Variants in ADGRL3 observed in about 807,000 individuals in gnomAD.
The protein encoded by ADGRL3 is calcium-independent alpha-latrotoxin receptor 3.
Under a neutral mutation model 153.5 loss-of-function variants are expected in ADGRL3, and 62 were observed. The observed-to-expected ratio is 0.40, with a 90% CI of 0.33 to 0.50. ADGRL3 has a LOEUF of 0.50. ADGRL3 is among the 20% of genes least tolerant of loss of function. ADGRL3 has a pLI of 0.47. For synonymous variants in ADGRL3, 710 were observed against 672.5 expected (o/e 1.06, Z -0.86); for missense variants, 1,641 against 1,859.4 (o/e 0.88, Z 2.16).
chr4:61,312,364 A>AC (rs2150553046), intron 1 of ADGRL3, among the ~76,000 whole-genome samples: 1 of 152,308 alleles, frequency 6.6e-6, no homozygotes, highest in Non-Finnish European at 1.5e-5. Flanking sequence ...CTTGAGTTTG[A>AC]CAAAGACTTT....
intron 24 of ADGRL3, among the ~76,000 whole-genome samples, chr4:62,040,430 T>A (rs1002005503): frequency 1.3e-5 from 2 of 152,086 alleles, no homozygotes; most frequent in African/African-American, 4.8e-5. Context: ...GTTACTTAAA[T>A]CTATATTATT....
intron 5 of ADGRL3, among the ~76,000 whole-genome samples, chr4:61,672,997 G>A (rs775290963): frequency 6.6e-6 from 1 of 151,932 alleles, no homozygotes; most frequent in Non-Finnish European, 1.5e-5. Flanking sequence ...ATATTATTCA[G>A]CCTTAAAAAT....
chr4:62,016,168 C>T (rs1002030447), intron 21 of ADGRL3, among the ~76,000 whole-genome samples: 1 of 152,022 alleles, frequency 6.6e-6, no homozygotes, highest in African/African-American at 2.4e-5. Context: ...CCTGCCTCAG[C>T]CTCCCGTGTA....
intron 2 of ADGRL3, among the ~76,000 whole-genome samples, chr4:61,462,402 G>A (rs1268130119): frequency 2.0e-5 from 3 of 152,144 alleles, no homozygotes; most frequent in African/African-American, 7.2e-5. Context: ...TGGCAGGTAA[G>A]AAGTCAGAGT....
intron 15 of ADGRL3, among the ~76,000 whole-genome samples, chr4:61,940,141 T>C (rs1461829470): frequency 3.7e-5 from 4 of 106,944 alleles, no homozygotes; most frequent in Non-Finnish European, 7.6e-5. Flanking sequence ...CCATGTGATC[T>C]CATTGTTCAA....
At chr4:62,050,229 T>C (rs2151747912) in intron 25 of ADGRL3, among the ~76,000 whole-genome samples, 1 of 152,264 alleles carries the variant, frequency 6.6e-6, no homozygotes, top group South Asian at 2.1e-4. Flanking sequence ...TGCATCTGCT[T>C]ATTTGTATTT....
chr4:61,755,183 G>A (rs1242251588), intron 8 of ADGRL3, among the ~76,000 whole-genome samples: 1 of 152,126 alleles, frequency 6.6e-6, no homozygotes, highest in Non-Finnish European at 1.5e-5. Context: ...AGATCCCTGA[G>A]GAATCGCCAC....
chr4:61,674,632 T>A (rs2095125229), intron 5 of ADGRL3, among the ~76,000 whole-genome samples: 2 of 151,872 alleles, frequency 1.3e-5, no homozygotes, highest in Admixed American at 6.6e-5. Context: ...CTACTTTGAA[T>A]GTGTTCCTGA....
chr4:61,777,823 T>C (rs964135277), intron 8 of ADGRL3, among the ~76,000 whole-genome samples: 3 of 152,180 alleles, frequency 2.0e-5, no homozygotes, highest in African/African-American at 7.2e-5. Flanking sequence ...TGAGTATCGC[T>C]AGGGGATTTG....
intron 5 of ADGRL3, among the ~76,000 whole-genome samples, chr4:61,601,967 T>G (rs1468024161): frequency 6.6e-6 from 1 of 152,172 alleles, no homozygotes; most frequent in Non-Finnish European, 1.5e-5. Flanking sequence ...TGAATATATG[T>G]TGTTAGATCA....
intron 2 of ADGRL3, among the ~76,000 whole-genome samples, chr4:61,473,095 A>G (rs748538049): frequency 1.3e-5 from 2 of 152,152 alleles, no homozygotes; most frequent in Non-Finnish European, 2.9e-5. Flanking sequence ...TGAGCAGGGC[A>G]ACCTGGAATA....
At chr4:61,917,218 G>A (rs2098748997) in intron 13 of ADGRL3, among the ~76,000 whole-genome samples, 1 of 152,102 alleles carries the variant, frequency 6.6e-6, no homozygotes, top group Admixed American at 6.6e-5. Flanking sequence ...TAATCTCTGA[G>A]ATACTGTTAC....
intron 6 of ADGRL3, among the ~76,000 whole-genome samples, chr4:61,714,316 T>A (rs921810751): frequency 6.7e-6 from 1 of 149,776 alleles, no homozygotes; most frequent in Admixed American, 6.7e-5. Flanking sequence ...AAAGTCAGAG[T>A]TAAAGATTAT....
At chr4:62,018,035 A>G (rs1244577494) in intron 21 of ADGRL3, among the ~76,000 whole-genome samples, 1 of 152,120 alleles carries the variant, frequency 6.6e-6, no homozygotes, top group Non-Finnish European at 1.5e-5. Context: ...GGCACTTAAG[A>G]TGAGAGATTC....
intron 25 of ADGRL3, among the ~76,000 whole-genome samples, chr4:62,064,897 G>A (rs1292332973): frequency 1.3e-5 from 2 of 151,952 alleles, no homozygotes; most frequent in African/African-American, 4.8e-5. Flanking sequence ...CATGAATATA[G>A]GCAAGTCGTT....
intron 5 of ADGRL3, among the ~76,000 whole-genome samples, chr4:61,598,924 A>G (rs985162601): frequency 6.6e-6 from 1 of 152,182 alleles, no homozygotes; most frequent in Admixed American, 6.5e-5. Context: ...ACTGGTAAAG[A>G]GATTAATACA....
chr4:62,005,886 A>G (rs2099155597), intron 21 of ADGRL3, among the ~76,000 whole-genome samples: 1 of 149,008 alleles, frequency 6.7e-6, no homozygotes, highest in Admixed American at 6.8e-5. Flanking sequence ...GAGAAATATG[A>G]AAATTGTGGA....
chr4:61,900,332 G>A (rs2098657512), intron 11 of ADGRL3, among the ~76,000 whole-genome samples: 1 of 151,912 alleles, frequency 6.6e-6, no homozygotes, highest in Admixed American at 6.6e-5. Context: ...CAGGCCAAGT[G>A]GAAGAAAACA....
intron 17 of ADGRL3, among the ~76,000 whole-genome samples, chr4:61,955,522 T>A (rs774672845): frequency 1.3e-5 from 2 of 151,818 alleles, no homozygotes; most frequent in African/African-American, 4.9e-5. Context: ...AGTGATGAAT[T>A]TCTGCTGGGG....
Sources: allele counts gnomAD v4.1 joint callset (sites outside exome capture counted in the v4.1 genomes callset), GRCh38; gene constraint gnomAD v4.1.1; transcripts MANE v1.5; gene names NCBI Gene and HGNC (gene_info 2026-07-23, HGNC 2026-07-21).